NRG3: variants seen among roughly 807,000 people sequenced by gnomAD.
NRG3 encodes neuregulin 3.
A neutral mutation model predicts 66.9 loss-of-function variants in NRG3; 31 were observed. The observed-to-expected ratio is 0.46, with a 90% CI of 0.35 to 0.63. NRG3 has a LOEUF of 0.63. NRG3 is among the 20% of genes least tolerant of loss of function. NRG3 has a pLI of 0.00. For synonymous variants in NRG3, 393 were observed against 359.4 expected (o/e 1.09, Z -1.06); for missense variants, 910 against 878.9 (o/e 1.04, Z -0.45).
At chr10:82,228,786 G>C (rs1345259018) in intron 1 of NRG3, 2 of 152,326 alleles carry the variant, frequency 1.3e-5, no homozygotes, top group African/African-American at 4.8e-5. Flanking sequence ...TGCCATTTCA[G>C]AAGTAGATGG....
chr10:82,925,765 G>C (rs1429632913), intron 4 of NRG3, among the ~76,000 whole-genome samples: 1 of 152,218 alleles, frequency 6.6e-6, no homozygotes, highest in Admixed American at 6.5e-5. Context: ...GGTCAGAGCA[G>C]TGAGAATACA....
At chr10:82,500,946 T>G (rs533080789) in intron 2 of NRG3, among the ~76,000 whole-genome samples, 1 of 152,218 alleles carries the variant, frequency 6.6e-6, no homozygotes, top group African/African-American at 2.4e-5. Context: ...TGATTTAGAT[T>G]TATAGGTAGA....
rs1306550561 is a variant in NRG3, at chr10:82,850,771, T to C, written c.1028-14640T>C. 1.1e-4 allele frequency among the ~76,000 whole-genome samples: 17 copies of C among 152,006 alleles called. No homozygotes were observed. The East Asian group carries it at 3.1e-3, about 28-fold the overall frequency. On this transcript the variant is annotated intron_variant, in intron 3 of 8. Coordinates refer to ENST00000372141, the MANE Select transcript of NRG3 (RefSeq NM_001010848.4). ...TTTAAAATAAAGTAAAATGTAAAGA[T>C]AACATGACTTTGAGTTCAGTGAGAT... is the stretch of plus-strand genomic sequence containing the variant.
chr10:82,827,568 A>G (rs915990289), intron 3 of NRG3, among the ~76,000 whole-genome samples: 9 of 152,184 alleles, frequency 5.9e-5, no homozygotes, highest in African/African-American at 2.2e-4. Flanking sequence ...CAAAGGGTGG[A>G]CTTTTAATTT....
chr10:81,979,346 G>C (rs1215469194), intron 1 of NRG3, among the ~76,000 whole-genome samples: 1 of 152,026 alleles, frequency 6.6e-6, no homozygotes, highest in Non-Finnish European at 1.5e-5. Flanking sequence ...AACATAAAAG[G>C]AAATTCTAAA....
At chr10:82,540,120 T>C (rs149837433) in intron 2 of NRG3, among the ~76,000 whole-genome samples, 3 of 151,398 alleles carry the variant, frequency 2.0e-5, no homozygotes, top group Non-Finnish European at 4.4e-5. Context: ...TGGACTGCTG[T>C]TGCTGCTTTG....
chr10:82,721,502 A>G (rs1294543395), intron 2 of NRG3, among the ~76,000 whole-genome samples: 1 of 151,630 alleles, frequency 6.6e-6, no homozygotes, highest in Non-Finnish European at 1.5e-5. Context: ...GGCTCACTGC[A>G]ACCTCCACCT....
Position 82,546,804 on chromosome 10 carries a change from A to G in NRG3, c.953+187936A>G, listed in dbSNP as rs115272897. ...AAACAACATAAATGCAGGGCAAATC[A>G]AACACACAATGGAATTGCATATCAT... On this transcript the variant is annotated intron_variant, in intron 2 of 8. Transcript: ENST00000372141. Among the ~76,000 whole-genome samples, 1,094 of 152,304 alleles carry G rather than the reference A, an allele frequency of 7.2e-3. 17 individuals are homozygous for G. The highest frequency in any genetic ancestry group is 0.024 in the African/African-American group (1,014 of 41,546).
intron 2 of NRG3, among the ~76,000 whole-genome samples, chr10:82,533,694 C>T (rs1380594547): frequency 3.9e-5 from 6 of 151,952 alleles, no homozygotes; most frequent in Non-Finnish European, 5.9e-5. Flanking sequence ...AGTAAGGATA[C>T]GTATCATCAC....
intron 1 of NRG3, among the ~76,000 whole-genome samples, chr10:82,142,380 CCAAGGGAGG>C (rs1381259629): frequency 6.6e-6 from 1 of 152,036 alleles, no homozygotes; most frequent in African/African-American, 2.4e-5. Context: ...ATCTGGCCTC[CCAAGGGAGG>C]CAGAAGTAGT....
At chr10:82,037,376 A>C (rs887414130) in intron 1 of NRG3, among the ~76,000 whole-genome samples, 1 of 152,156 alleles carries the variant, frequency 6.6e-6, no homozygotes, top group African/African-American at 2.4e-5. Flanking sequence ...TCTCCATGGC[A>C]CTAGGGCCAA....
At chr10:82,428,609 A>T (rs1026127246) in intron 2 of NRG3, among the ~76,000 whole-genome samples, 9 of 151,990 alleles carry the variant, frequency 5.9e-5, no homozygotes, top group South Asian at 2.1e-4. Flanking sequence ...TAAATGCATA[A>T]ATGTTTGATT....
intron 1 of NRG3, among the ~76,000 whole-genome samples, chr10:82,093,280 G>A (rs2066139368): frequency 6.6e-6 from 1 of 152,018 alleles, no homozygotes; most frequent in African/African-American, 2.4e-5. Context: ...TTGGTATATA[G>A]CATCTGATAA....
chr10:81,963,226 C>G (rs961734898), intron 1 of NRG3, among the ~76,000 whole-genome samples: 2 of 146,340 alleles, frequency 1.4e-5, no homozygotes, highest in African/African-American at 5.1e-5. Context: ...CTCCGCCTCC[C>G]GGGTTCACGC....
chr10:82,369,339 C>G lies in NRG3; in HGVS notation c.953+10471C>G, dbSNP rs547158616. ...TTAGAGATAGGTTCTTGCTCTATTG[C>G]TTAGGTTGCAGTGCACTGGTACAGT... is the stretch of plus-strand genomic sequence containing the variant. On this transcript the variant is annotated intron_variant, in intron 2 of 8. Coordinates refer to ENST00000372141, the MANE Select transcript of NRG3 (RefSeq NM_001010848.4). 2.4e-4 allele frequency among the ~76,000 whole-genome samples: 33 copies of G among 138,374 alleles called. 4 individuals are homozygous for G. Among genetic ancestry groups the G allele is most frequent in the Admixed American group, 1.8e-3 (27 of 14,710 alleles). 90.8% of individuals were successfully genotyped at this position (138,374 alleles called of 152,430 possible).
rs768671017 is a variant in NRG3 at position 81,962,427 on chromosome 10, A to G, written c.823+86264A>G. Among the ~76,000 whole-genome samples the G allele has an allele frequency of 4.3e-4, 65 of 152,292 alleles. 1 individual carries two copies. The highest frequency in any genetic ancestry group is 7.2e-4 in the Non-Finnish European group (49 of 68,026). ...ATGTTATTATGTATGATAGTAATGTATAGGGTTTCTATACCCTGAGCTTTG... is the reference window on the plus strand; with the variant it reads ...ATGTTATTATGTATGATAGTAATGTGTAGGGTTTCTATACCCTGAGCTTTG... On this transcript the variant is annotated intron_variant, in intron 1 of 8. Transcript: ENST00000372141.
intron 2 of NRG3, among the ~76,000 whole-genome samples, chr10:82,538,900 G>A (rs964746196): frequency 2.6e-5 from 4 of 152,166 alleles, no homozygotes; most frequent in Admixed American, 2.0e-4. Context: ...AGTTTGGAGG[G>A]CAGCAGGCAG....
At chr10:82,279,687 A>G (rs1024595724) in intron 1 of NRG3, among the ~76,000 whole-genome samples, 1 of 152,208 alleles carries the variant, frequency 6.6e-6, no homozygotes, top group Non-Finnish European at 1.5e-5. Context: ...CTGATTTCTC[A>G]TGAAGTTGTT....
At chr10:82,415,903 A>G (rs1361152121) in intron 2 of NRG3, among the ~76,000 whole-genome samples, 1 of 152,182 alleles carries the variant, frequency 6.6e-6, no homozygotes, top group Non-Finnish European at 1.5e-5. Flanking sequence ...TAAATATAGA[A>G]CTACTTTTCA....
Sources: gnomAD v4.1 joint callset for allele counts (sites outside exome capture counted in the v4.1 genomes callset) on GRCh38, gnomAD v4.1.1 for gene constraint, MANE v1.5 for transcripts, NCBI Gene and HGNC (gene_info 2026-07-23, HGNC 2026-07-21) for gene names.